Variants in SLCO3A1 observed in about 807,000 individuals in gnomAD.
The protein encoded by SLCO3A1 is PGE1 transporter.
In SLCO3A1, 27 loss-of-function variants were observed where a neutral mutation model predicts 63.1. The ratio of observed to expected loss-of-function variants is 0.43; its 90% confidence interval spans 0.32 to 0.59. SLCO3A1 has a LOEUF of 0.59. Ranked by LOEUF, SLCO3A1 falls within the 20% of genes least tolerant of loss-of-function variation. The pLI is 0.09. For missense variants in SLCO3A1, 773 were observed against 945.8 expected, an observed-to-expected ratio of 0.82 and a Z score of 2.40; for synonymous variants, 473 against 409.9, an observed-to-expected ratio of 1.15 and a Z score of -1.86.
Position 92,129,903 on chromosome 15 carries a change from A to T in SLCO3A1, c.1512+1414A>T, listed in dbSNP as rs201205200. ...GGTGGGTGGGAGAAACTGATTTTTT[A>T]AAATTAGATGATAAAGCAATTTCTT... On this transcript the variant is annotated intron_variant, in intron 7 of 9. Transcript: ENST00000318445. Among the ~76,000 whole-genome samples the T allele has an allele frequency of 5.9e-5, 9 of 152,210 alleles. No individual in the cohort carries two copies. The East Asian group carries it at 1.3e-3, about 23-fold the overall frequency.
chr15:92,076,681 C>A (rs182909778), intron 2 of SLCO3A1, among the ~76,000 whole-genome samples: 96 of 152,330 alleles, frequency 6.3e-4, no homozygotes, highest in African/African-American at 2.2e-3. Context: ...GTACACCAGC[C>A]AGGGCAATCC....
intron 1 of SLCO3A1, among the ~76,000 whole-genome samples, chr15:91,861,912 TTACAGGTGTGA>T: frequency 6.8e-6 from 1 of 147,524 alleles, no homozygotes; most frequent in Non-Finnish European, 1.5e-5. Context: ...AGTGCTGGGA[TTACAGGTGTGA>T]GCCACGGTGC....
At chr15:92,083,277 T>G (rs530159802) in intron 2 of SLCO3A1, among the ~76,000 whole-genome samples, 1 of 152,358 alleles carries the variant, frequency 6.6e-6, no homozygotes, top group African/African-American at 2.4e-5. Context: ...ATCTCTCATT[T>G]TGTCAAGTAC....
chr15:92,133,112 T>A (rs1444422132), intron 7 of SLCO3A1, among the ~76,000 whole-genome samples: 1 of 145,734 alleles, frequency 6.9e-6, no homozygotes, highest in Non-Finnish European at 1.5e-5. Flanking sequence ...TTTACCAGCA[T>A]CCCTGGGCTC....
intron 1 of SLCO3A1, among the ~76,000 whole-genome samples, chr15:91,858,891 A>G (rs1896986911): frequency 6.6e-6 from 1 of 152,244 alleles, no homozygotes; most frequent in South Asian, 2.1e-4. Context: ...TAGTATTGCA[A>G]AAATGATGAG....
chr15:92,039,980 C>T (rs145239425), intron 2 of SLCO3A1, among the ~76,000 whole-genome samples: 10 of 152,236 alleles, frequency 6.6e-5, no homozygotes, highest in East Asian at 3.9e-4. Flanking sequence ...AACTAAACAC[C>T]GCATGATCTC....
chr15:92,171,950 C>T, exon 11 of SLCO3A1: 1 of 928,788 alleles, frequency 1.1e-6, no homozygotes, highest in Non-Finnish European at 1.7e-6. Context: ...TCCTCCCTGT[C>T]CGAGAACCCG....
chr15:92,010,764 G>A (rs969202913), intron 2 of SLCO3A1, among the ~76,000 whole-genome samples: 1 of 152,146 alleles, frequency 6.6e-6, no homozygotes, highest in African/African-American at 2.4e-5. Context: ...CCCAAGCCCA[G>A]TAATAAATGA....
chr15:91,890,365 T>C (rs919849534), intron 1 of SLCO3A1, among the ~76,000 whole-genome samples: 1 of 152,210 alleles, frequency 6.6e-6, no homozygotes, highest in Non-Finnish European at 1.5e-5. Context: ...ATCATGACTA[T>C]GTGCTCAGCT....
chr15:91,893,701 C>A (rs981956990), intron 1 of SLCO3A1, among the ~76,000 whole-genome samples: 1 of 152,190 alleles, frequency 6.6e-6, no homozygotes, highest in African/African-American at 2.4e-5. Context: ...CTCAAACATC[C>A]GTGGGTGGTT....
At chr15:92,016,254 T>TAGATTAGA in intron 2 of SLCO3A1, among the ~76,000 whole-genome samples, 5,176 of 95,134 alleles carry the variant, frequency 0.054, 123 homozygotes, top group Non-Finnish European at 0.066. Flanking sequence ...GATAGATAGA[T>TAGATTAGA]TAGATAGATA....
At chr15:91,947,957 C>G (rs1316780622) in intron 2 of SLCO3A1, among the ~76,000 whole-genome samples, 3 of 152,164 alleles carry the variant, frequency 2.0e-5, no homozygotes, top group Non-Finnish European at 4.4e-5. Flanking sequence ...GACTGCAGCC[C>G]AGTTAGCAGG....
At chr15:92,055,742 C>T (rs1202388206) in intron 2 of SLCO3A1, among the ~76,000 whole-genome samples, 1 of 152,168 alleles carries the variant, frequency 6.6e-6, no homozygotes, top group African/African-American at 2.4e-5. Flanking sequence ...GTGGCCCCTT[C>T]TTTAGCCAGC....
downstream of SLCO3A1, among the ~76,000 whole-genome samples, chr15:92,170,559 C>G (rs2048515790): frequency 6.6e-6 from 1 of 152,214 alleles, no homozygotes; most frequent in Non-Finnish European, 1.5e-5. Context: ...GCTCTTTCCA[C>G]TACAACACAA....
chr15:92,053,693 T>A (rs1390062633), intron 2 of SLCO3A1, among the ~76,000 whole-genome samples: 1 of 83,194 alleles, frequency 1.2e-5, no homozygotes, highest in Non-Finnish European at 2.4e-5. Context: ...TGTTTGTTTG[T>A]TTGTTTTTTT....
intron 3 of SLCO3A1, among the ~76,000 whole-genome samples, chr15:92,099,516 C>T (rs992703539): frequency 1.3e-5 from 2 of 152,012 alleles, no homozygotes; most frequent in Admixed American, 6.5e-5. Context: ...TTGATCTCCT[C>T]TTCTCACAAT....
chr15:92,032,136 T>A (rs983224822), intron 2 of SLCO3A1, among the ~76,000 whole-genome samples: 21 of 152,196 alleles, frequency 1.4e-4, no homozygotes, highest in African/African-American at 5.1e-4. Flanking sequence ...GTCTCTGCTA[T>A]AGCAATGTTT....
chr15:91,962,514 C>T (rs1223461985), intron 2 of SLCO3A1, among the ~76,000 whole-genome samples: 1 of 149,212 alleles, frequency 6.7e-6, no homozygotes, highest in African/African-American at 2.5e-5. Context: ...GCAAGGATTT[C>T]CTGTGGCCTG....
intron 2 of SLCO3A1, among the ~76,000 whole-genome samples, chr15:92,043,324 A>C (rs2046821267): frequency 6.6e-6 from 1 of 152,184 alleles, no homozygotes; most frequent in South Asian, 2.1e-4. Flanking sequence ...CTGTCTCTTT[A>C]ATTGCAGGCC....
Sources: gnomAD v4.1 joint callset for allele counts (sites outside exome capture counted in the v4.1 genomes callset) on GRCh38, gnomAD v4.1.1 for gene constraint, MANE v1.5 for transcripts, NCBI Gene and HGNC (gene_info 2026-07-23, HGNC 2026-07-21) for gene names.